The following TSGA10 variants were observed in gnomAD, a reference collection of about 807,000 sequenced individuals.
TSGA10 encodes the protein testis-specific gene 10 protein.
In TSGA10, 43 loss-of-function variants were observed where a neutral mutation model predicts 96.6. That is an observed-to-expected ratio of 0.44 (90% CI 0.35 to 0.57). The LOEUF is 0.57. Among genes scored for constraint, TSGA10 ranks in the 20% least tolerant of loss-of-function variants. The pLI is 0.01. For missense variants in TSGA10, 703 were observed against 834.4 expected, an observed-to-expected ratio of 0.84 and a Z score of 1.94; for synonymous variants, 229 against 269.9, an observed-to-expected ratio of 0.85 and a Z score of 1.48.
intron 13 of TSGA10, 81 bp from the exon 14 acceptor site, chr2:99,071,955 A>C (rs906062607): frequency 7.9e-7 from 1 of 1,263,996 alleles, no homozygotes; most frequent in Non-Finnish European, 1.1e-6. Flanking sequence ...CAGAAGATGG[A>C]CAGTTAGTAT....
intron 12 of TSGA10, among the ~76,000 whole-genome samples, chr2:99,074,953 CA>C (rs747521749): frequency 0.012 from 1,301 of 110,754 alleles, 10 homozygotes; most frequent in Non-Finnish European, 0.014. Flanking sequence ...GACTCCGTCT[CA>C]AAAAAAAAAA....
intron 16 of TSGA10, among the ~76,000 whole-genome samples, chr2:99,045,179 TC>T (rs1308387863): frequency 6.6e-6 from 1 of 151,464 alleles, no homozygotes; most frequent in Middle Eastern, 3.2e-3. Flanking sequence ...ATAACTAAGA[TC>T]AGAGCAGAAC....
At chr2:99,102,805 A>C in intron 10 of TSGA10, 1 of 1,381,498 alleles carries the variant, frequency 7.2e-7, no homozygotes, top group African/African-American at 1.4e-5. Context: ...TATGATTCTC[A>C]TACCCAGAAC....
At chr2:99,111,344 T>C (rs766150610) in intron 4 of TSGA10, among the ~76,000 whole-genome samples, 28 of 152,278 alleles carry the variant, frequency 1.8e-4, no homozygotes, top group Non-Finnish European at 3.2e-4. Context: ...ATACTTTTTG[T>C]ATCAATTTAT....
In TSGA10 at chr2:99,018,299, T is replaced by G. The variant is rs1229721205; in HGVS notation, c.1973A>C (p.Tyr658Ser). 6.2e-7 allele frequency: 1 copy of G among 1,614,192 alleles called. No individual in the cohort carries two copies. Among genetic ancestry groups the G allele is most frequent in the Non-Finnish European group, 8.5e-7 (1 of 1,180,032 alleles). ...TGGCTTCATTGTAGAACTCATATGA[T>G]AAGCATTACTTGAATAATTTTGGCG... ...LRRQNYSSNA[Y>S]HMSSTMKPNT... Residue 658 changes from tyrosine (Y) to serine (S), a missense_variant, in exon 20 of 21, where the codon TAT becomes TCT. Physicochemically the swap from Tyr to Ser is moderately radical, Grantham distance 144. This residue lies in a region of TSGA10 where 69 missense variants were observed against 81.3 expected (regional missense o/e 0.85). Transcript: ENST00000393483.
chr2:99,007,301 TAA>T (rs2078584001), intron 20 of TSGA10, among the ~76,000 whole-genome samples: 1 of 151,760 alleles, frequency 6.6e-6, no homozygotes, highest in African/African-American at 2.4e-5. Flanking sequence ...GAATAAATAA[TAA>T]AAAAGAGTGT....
chr2:99,022,097 AG>A (rs1466569413), intron 17 of TSGA10, among the ~76,000 whole-genome samples: 1 of 152,064 alleles, frequency 6.6e-6, no homozygotes, highest in Non-Finnish European at 1.5e-5. Flanking sequence ...AGGCCAAGGT[AG>A]GTGGATTGCT....
intron 20 of TSGA10, among the ~76,000 whole-genome samples, chr2:99,003,446 G>A (rs1253342579): frequency 6.6e-6 from 1 of 152,050 alleles, no homozygotes; most frequent in African/African-American, 2.4e-5. Context: ...TGCACCAAGT[G>A]GACCTAATAG....
At chr2:99,132,667 T>A (rs2093146626) in intron 1 of TSGA10, among the ~76,000 whole-genome samples, 1 of 152,202 alleles carries the variant, frequency 6.6e-6, no homozygotes, top group Non-Finnish European at 1.5e-5. Flanking sequence ...ATTTGTTTGC[T>A]CTTGCTTCTC....
At chr2:99,014,289 C>T (rs1371526684) in intron 20 of TSGA10, among the ~76,000 whole-genome samples, 1 of 151,952 alleles carries the variant, frequency 6.6e-6, no homozygotes, top group Non-Finnish European at 1.5e-5. Context: ...GAGCCGAGAT[C>T]ATGCCACTGC....
At chr2:99,108,755 T>A in intron 7 of TSGA10, 78 bp downstream of exon 7, 1 of 1,063,584 alleles carries the variant, frequency 9.4e-7, no homozygotes, top group Admixed American at 3.1e-5. Flanking sequence ...TTAAGCAGTC[T>A]CATAAAACTC....
intron 17 of TSGA10, among the ~76,000 whole-genome samples, chr2:99,024,075 G>A (rs556696043): frequency 6.7e-6 from 1 of 149,998 alleles, no homozygotes; most frequent in African/African-American, 2.5e-5. Flanking sequence ...ATGTTCTGTA[G>A]TTTTGTAAAG....
chr2:99,041,144 GA>G (rs2082146312), intron 16 of TSGA10, among the ~76,000 whole-genome samples: 1 of 152,210 alleles, frequency 6.6e-6, no homozygotes, highest in African/African-American at 2.4e-5. Context: ...TTAAGATTGT[GA>G]GGTCCAGCTC....
Position 99,071,851 on chromosome 2 carries a change from A to C in TSGA10, c.962T>G (p.Val321Gly), listed in dbSNP as rs756349063. Residue 321 changes from valine to glycine, a missense_variant, in exon 14 of 21, where the codon GTG becomes GGG. Val to Gly is a moderately radical substitution (Grantham distance 109). Transcript: ENST00000393483. ...CATTCTGGAAACGTCTTGTTCACAC[A>C]CAATTAGGGCCTCAGTACACTGTCT... is the stretch of plus-strand genomic sequence containing the variant. Reference protein sequence around the residue: ...ASRQCTEALIVCEQDVSRMRR... With the variant: ...ASRQCTEALIGCEQDVSRMRR... 1 of 1,614,004 alleles carries C rather than the reference A, an allele frequency of 6.2e-7. No individual in the cohort carries two copies. The highest frequency in any genetic ancestry group is 8.5e-7 in the Non-Finnish European group (1 of 1,179,896).
intron 20 of TSGA10, among the ~76,000 whole-genome samples, chr2:99,016,858 T>C (rs2079554690): frequency 6.6e-6 from 1 of 152,092 alleles, no homozygotes; most frequent in Non-Finnish European, 1.5e-5. Flanking sequence ...TAAACAATTC[T>C]CAAAAGAATA....
chr2:99,105,300 AG>A (rs1406665621), intron 9 of TSGA10, 58 bp downstream of exon 9: 3 of 1,394,722 alleles, frequency 2.2e-6, no homozygotes, highest in Non-Finnish European at 2.9e-6. Context: ...AAAAGGAGAA[AG>A]GGGAAAGCCA....
chr2:99,138,858 G>T (rs2093422097), intron 1 of TSGA10, among the ~76,000 whole-genome samples: 1 of 152,186 alleles, frequency 6.6e-6, no homozygotes, highest in Non-Finnish European at 1.5e-5. Flanking sequence ...CAGAAACAAT[G>T]AAGATTCCTA....
intron 10 of TSGA10, chr2:99,102,487 C>A: frequency 6.2e-7 from 1 of 1,613,614 alleles, no homozygotes; most frequent in South Asian, 1.1e-5. Context: ...CTGATTTTTG[C>A]CATTCAGAAA....
At chr2:99,150,999 T>G in intron 1 of TSGA10, 2 of 500,302 alleles carry the variant, frequency 4.0e-6, no homozygotes, top group Non-Finnish European at 7.2e-6. Context: ...TTTATGATGC[T>G]TATTCAAAAG....
Sources: gnomAD v4.1 joint callset for allele counts (sites outside exome capture counted in the v4.1 genomes callset) on GRCh38, gnomAD v4.1.1 for gene constraint, gnomAD v4.1.1 regional missense constraint, MANE v1.5 for transcripts, NCBI Gene and HGNC (gene_info 2026-07-23, HGNC 2026-07-21) for gene names.